DAB1: variants seen among roughly 807,000 people sequenced by gnomAD.
DAB1 encodes the protein disabled homolog 1.
In DAB1, 15 loss-of-function variants were observed where a neutral mutation model predicts 64.6. That is an observed-to-expected ratio of 0.23 (90% CI 0.16 to 0.36). The LOEUF (loss-of-function observed/expected upper bound fraction) is 0.36. Ranked by LOEUF, DAB1 falls within the 10% of genes least tolerant of loss-of-function variation. The pLI is 1.00. For synonymous variants in DAB1, 235 were observed against 251.9 expected (o/e 0.93, Z 0.64); for missense variants, 596 against 706.7 (o/e 0.84, Z 1.78).
At chr1:58,456,582 G>C (rs1395498557) in intron 3 of DAB1, among the ~76,000 whole-genome samples, 1 of 152,160 alleles carries the variant, frequency 6.6e-6, no homozygotes, top group Non-Finnish European at 1.5e-5. Flanking sequence ...GGATCAGCGG[G>C]GATTTGTATT....
chr1:58,545,725 G>C (rs1313402631), intron 1 of DAB1, among the ~76,000 whole-genome samples: 1 of 152,178 alleles, frequency 6.6e-6, no homozygotes, highest in Non-Finnish European at 1.5e-5. Context: ...CTGAAGCCTG[G>C]AAGACAGTTT....
chr1:57,314,612 C>G (rs538219339), intron 1 of DAB1, among the ~76,000 whole-genome samples: 1 of 152,068 alleles, frequency 6.6e-6, no homozygotes, highest in African/African-American at 2.4e-5. Flanking sequence ...CGTAAGGATG[C>G]TCTTTAAAAA....
intron 5 of DAB1, among the ~76,000 whole-genome samples, chr1:57,988,617 T>C (rs1646278581): frequency 6.6e-6 from 1 of 152,110 alleles, no homozygotes; most frequent in Non-Finnish European, 1.5e-5. Flanking sequence ...CCAGGGCCTG[T>C]TGCCTCCTGT....
At chr1:58,139,631 T>C (rs1310610419) in intron 5 of DAB1, among the ~76,000 whole-genome samples, 1 of 151,930 alleles carries the variant, frequency 6.6e-6, no homozygotes, top group Non-Finnish European at 1.5e-5. Context: ...TAAGGTGAGA[T>C]TTGGGTTGGG....
intron 1 of DAB1, among the ~76,000 whole-genome samples, chr1:57,830,113 T>G (rs1170328363): frequency 6.6e-6 from 1 of 152,190 alleles, no homozygotes; most frequent in African/African-American, 2.4e-5. Context: ...GGAATTAACT[T>G]GCCCAAGAAT....
chr1:57,700,780 T>A (rs1462984368), intron 6 of DAB1, among the ~76,000 whole-genome samples: 1 of 152,206 alleles, frequency 6.6e-6, no homozygotes, highest in Non-Finnish European at 1.5e-5. Context: ...ATGCTTTCTA[T>A]CCCTTGCTCT....
intron 1 of DAB1, among the ~76,000 whole-genome samples, chr1:57,327,513 C>A (rs1235861053): frequency 6.6e-6 from 1 of 152,118 alleles, no homozygotes; most frequent in Non-Finnish European, 1.5e-5. Flanking sequence ...CAGATGGGGC[C>A]TCTTCAGAAC....
chr1:57,284,651 T>C lies in DAB1; in HGVS notation c.67+6313A>G, dbSNP rs559170540. 1.1e-4 allele frequency among the ~76,000 whole-genome samples: 16 copies of C among 152,368 alleles called. No homozygotes were observed. The South Asian group carries it at 1.9e-3, about 18-fold the overall frequency. The stretch of plus-strand genomic sequence containing the variant: ...AGCAGCATATAGAAGCAATGATAAA[T>C]AAGCCTGATAAAAAGATTGTTTTCT... On this transcript the variant is annotated intron_variant, in intron 2 of 14. Transcript: ENST00000371236.
chr1:58,347,643 A>G (rs1347532979), intron 3 of DAB1, among the ~76,000 whole-genome samples: 5 of 152,170 alleles, frequency 3.3e-5, no homozygotes, highest in African/African-American at 1.2e-4. Context: ...ACTCCTCTGC[A>G]CTCAGATCAA....
intron 1 of DAB1, among the ~76,000 whole-genome samples, chr1:57,323,907 T>C (rs983904918): frequency 2.0e-5 from 3 of 151,894 alleles, no homozygotes; most frequent in Non-Finnish European, 4.4e-5. Context: ...AATGTGAGGA[T>C]GATAGGTATT....
intron 5 of DAB1, among the ~76,000 whole-genome samples, chr1:58,088,751 T>C (rs1199342785): frequency 6.6e-6 from 1 of 152,100 alleles, no homozygotes; most frequent in African/African-American, 2.4e-5. Context: ...TAGGAAAGGG[T>C]GTCAAATAAG....
intron 2 of DAB1, among the ~76,000 whole-genome samples, chr1:57,206,224 G>A (rs1001686041): frequency 5.9e-5 from 9 of 152,116 alleles, no homozygotes. Flanking sequence ...GAGGAGGGAG[G>A]CAGGGAGAAA....
chr1:57,771,953 C>G (rs991111412), intron 6 of DAB1, among the ~76,000 whole-genome samples: 9 of 152,112 alleles, frequency 5.9e-5, no homozygotes, highest in African/African-American at 2.2e-4. Flanking sequence ...TTTATTATTG[C>G]TATTCCTTTG....
intron 4 of DAB1, among the ~76,000 whole-genome samples, chr1:58,294,160 T>C (rs1661914217): frequency 6.6e-6 from 1 of 152,070 alleles, no homozygotes. Context: ...ATTCCACCAA[T>C]AGATAAATAA....
At chr1:58,395,423 G>A (rs144523807) in intron 3 of DAB1, among the ~76,000 whole-genome samples, 66 of 152,238 alleles carry the variant, frequency 4.3e-4, no homozygotes, top group African/African-American at 1.5e-3. Flanking sequence ...AGAAGAATGA[G>A]CAGACTTGAT....
intron 3 of DAB1, among the ~76,000 whole-genome samples, chr1:58,355,210 C>T (rs1447869033): frequency 6.6e-6 from 1 of 152,190 alleles, no homozygotes; most frequent in African/African-American, 2.4e-5. Flanking sequence ...CTCAACTCTC[C>T]TGAATACAAC....
At chr1:57,480,731 C>T (rs993169780) in intron 7 of DAB1, among the ~76,000 whole-genome samples, 1 of 152,084 alleles carries the variant, frequency 6.6e-6, no homozygotes, top group Non-Finnish European at 1.5e-5. Flanking sequence ...GTGATCTGCC[C>T]TTCTTGGCTT....
intron 5 of DAB1, among the ~76,000 whole-genome samples, chr1:57,918,294 G>A (rs1260810349): frequency 6.6e-6 from 1 of 152,064 alleles, no homozygotes. Context: ...GAAAATCTGA[G>A]ACTGGGTATT....
chr1:58,497,527 C>A (rs1451506748), intron 3 of DAB1, among the ~76,000 whole-genome samples: 3 of 152,098 alleles, frequency 2.0e-5, no homozygotes, highest in Non-Finnish European at 4.4e-5. Context: ...CCAGACTATG[C>A]CACCCCAAAT....
Sources: allele counts gnomAD v4.1 joint callset (sites outside exome capture counted in the v4.1 genomes callset), GRCh38; gene constraint gnomAD v4.1.1; transcripts MANE v1.5; gene names NCBI Gene and HGNC (gene_info 2026-07-23, HGNC 2026-07-21).